Variants in RARS2 observed in about 807,000 individuals in gnomAD.
RARS2 encodes probable arginine--tRNA ligase, mitochondrial.
In RARS2, 67 loss-of-function variants were observed where a neutral mutation model predicts 88.5. That is an observed-to-expected ratio of 0.76 (90% confidence interval 0.62 to 0.93). The LOEUF is 0.93. RARS2 is among the 40% of genes least tolerant of loss of function. RARS2 has a pLI of 0.00. For missense variants in RARS2, 664 were observed against 684.2 expected, an observed-to-expected ratio of 0.97 and a Z score of 0.33; for synonymous variants, 239 against 230.3, an observed-to-expected ratio of 1.04 and a Z score of -0.34.
intron 1 of RARS2, among the ~76,000 whole-genome samples, chr6:87,574,417 G>C (rs1007335454): frequency 2.0e-5 from 3 of 152,224 alleles, no homozygotes; most frequent in Non-Finnish European, 4.4e-5. Context: ...CCACAAAGGT[G>C]AGGTAAGCCA....
At position 87,518,883 on chromosome 6, in the gene RARS2, CT is replaced by C; in HGVS notation, c.1245del (p.Glu416AsnfsTer67). ...LQNMASIKTT[K>X]ELKNPQETAE... ...GCAGTCTCTTGTGGGTTCTTGAGTT[CT>C]TTAGTTGCTGAAACAGACAAAGGCA... On this transcript the variant is annotated frameshift_variant, in exon 15 of 20. Coordinates refer to ENST00000369536, the MANE Select transcript of RARS2 (RefSeq NM_020320.5). LOFTEE classifies it high-confidence loss of function. The C allele has an allele frequency of 6.2e-7, 1 of 1,613,910 alleles. No individual in the cohort carries two copies.
intron 8 of RARS2, among the ~76,000 whole-genome samples, chr6:87,534,843 G>A (rs1270939721): frequency 6.6e-6 from 1 of 152,206 alleles, no homozygotes; most frequent in Non-Finnish European, 1.5e-5. Flanking sequence ...TCTACATAGC[G>A]ATCTTGTCTC....
At chr6:87,545,435 G>C (rs949639286) in intron 7 of RARS2, among the ~76,000 whole-genome samples, 181 bp downstream of exon 7, 2 of 151,136 alleles carry the variant, frequency 1.3e-5, no homozygotes, top group Non-Finnish European at 2.9e-5. Flanking sequence ...AACTTGTGTG[G>C]TGAGAATTAC....
At chr6:87,526,759 C>T (rs1775866552) in intron 10 of RARS2, among the ~76,000 whole-genome samples, 3 of 151,096 alleles carry the variant, frequency 2.0e-5, no homozygotes, top group Admixed American at 2.0e-4. Context: ...CAACCTCTGC[C>T]TCCCGGGTTC....
At chr6:87,542,021 A>G in intron 7 of RARS2, 27 bp from the exon 8 acceptor site, 1 of 1,575,066 alleles carries the variant, frequency 6.3e-7, no homozygotes, top group Non-Finnish European at 8.7e-7. Flanking sequence ...TAAATGAAAA[A>G]TTATAAAGTT....
intron 16 of RARS2, 129 bp downstream of exon 16, chr6:87,518,499 GTC>G: frequency 1.3e-5 from 16 of 1,257,924 alleles, no homozygotes; most frequent in Non-Finnish European, 1.5e-5. Context: ...CTAAAAGAAG[GTC>G]TACTCTAGTC....
Position 87,521,631 on chromosome 6 carries a change from T to C in RARS2, c.975-107A>G, listed in dbSNP as rs1212700651. 5 of 813,556 alleles carry C rather than the reference T, an allele frequency of 6.1e-6. No homozygotes were observed. The Admixed American group carries it at 7.7e-5, about 13-fold the overall frequency. The allele number at this position is 813,556 out of a possible 1,614,324, so 50.4% of individuals were successfully genotyped here. A position where few individuals can be genotyped will look rare whatever the true frequency, so the allele number is the denominator to read the frequency against. On this transcript the variant is annotated intron_variant, in intron 11 of 19. Coordinates refer to ENST00000369536, the MANE Select transcript of RARS2 (RefSeq NM_020320.5). ...ATTTTCTAATTAAGAATTTAAATTA[T>C]ACCACAGCCTGAGGAATTCCACCCA...
At chr6:87,568,647 G>GA (rs1768686845) in intron 2 of RARS2, among the ~76,000 whole-genome samples, 2 of 152,172 alleles carry the variant, frequency 1.3e-5, no homozygotes, top group African/African-American at 4.8e-5. Flanking sequence ...CTCTCTTACA[G>GA]AAAGTCAATA....
intron 1 of RARS2, among the ~76,000 whole-genome samples, chr6:87,580,581 A>C (rs1378074922): frequency 2.2e-5 from 3 of 137,764 alleles, no homozygotes; most frequent in Non-Finnish European, 4.6e-5. Flanking sequence ...TTGAGAGTGA[A>C]ACCCTGTCTC....
chr6:87,548,445 C>T, intron 6 of RARS2, 146 bp downstream of exon 6: 2 of 727,788 alleles, frequency 2.7e-6, no homozygotes, highest in South Asian at 1.8e-5. Flanking sequence ...CAATGTCATC[C>T]ATTTCCTGAA....
intron 6 of RARS2, among the ~76,000 whole-genome samples, chr6:87,547,753 C>T (rs1348605430): frequency 6.6e-6 from 1 of 151,920 alleles, no homozygotes; most frequent in Non-Finnish European, 1.5e-5. Context: ...GATTCTCCCA[C>T]CTCAGCCTCC....
At chr6:87,564,622 T>C (rs1164729057) in intron 2 of RARS2, 2 of 354,376 alleles carry the variant, frequency 5.6e-6, no homozygotes, top group African/African-American at 2.2e-5. Flanking sequence ...CGAGTCAAGA[T>C]TGTGCCACTG....
intron 1 of RARS2, among the ~76,000 whole-genome samples, chr6:87,575,454 C>T (rs574089014): frequency 1.2e-4 from 18 of 152,178 alleles, no homozygotes; most frequent in South Asian, 2.1e-4. Flanking sequence ...CATGGTACCT[C>T]GTAAAATACA....
chr6:87,581,126 T>C (rs1323288516), intron 1 of RARS2, among the ~76,000 whole-genome samples: 4 of 152,134 alleles, frequency 2.6e-5, no homozygotes, highest in Non-Finnish European at 4.4e-5. Context: ...CAAAAAATAT[T>C]CTCAGTCTGG....
intron 8 of RARS2, among the ~76,000 whole-genome samples, chr6:87,533,424 A>T (rs761188850): frequency 3.3e-5 from 5 of 152,320 alleles, no homozygotes; most frequent in Middle Eastern, 3.4e-3. Context: ...AAAACTAAAC[A>T]GTTACCATGT....
At chr6:87,578,378 A>T (rs577482921) in intron 1 of RARS2, among the ~76,000 whole-genome samples, 1 of 152,278 alleles carries the variant, frequency 6.6e-6, no homozygotes, top group African/African-American at 2.4e-5. Flanking sequence ...TAAAAATAAA[A>T]GTCAGTGTTG....
At chr6:87,517,252 T>C (rs912400369) in intron 17 of RARS2, among the ~76,000 whole-genome samples, 8 of 152,222 alleles carry the variant, frequency 5.3e-5, no homozygotes, top group African/African-American at 9.6e-5. Flanking sequence ...TACTCTAGCC[T>C]GGGCAACAGA....
Position 87,589,920 on chromosome 6 carries a change from A to G in RARS2, c.36+2T>C. ...CTCCTCTGCGCGCTCCGGGATCCAT[A>G]CCTGGCAAGCAATAGCGCGGCGAAA... On this transcript the variant is annotated splice_donor_variant, in intron 1 of 19. Coordinates refer to ENST00000369536, the MANE Select transcript of RARS2 (RefSeq NM_020320.5). LOFTEE classifies it high-confidence loss of function. The G allele has an allele frequency of 6.2e-7, 1 of 1,613,578 alleles. No individual in the cohort carries two copies. The highest frequency in any genetic ancestry group is 1.1e-5 in the South Asian group (1 of 91,026).
intron 11 of RARS2, among the ~76,000 whole-genome samples, chr6:87,523,304 G>C (rs1426067571): frequency 1.3e-5 from 2 of 152,154 alleles, no homozygotes; most frequent in Admixed American, 1.3e-4. Context: ...TCATGGCCCA[G>C]AGAGTTAAAC....
Sources: allele counts gnomAD v4.1 joint callset (sites outside exome capture counted in the v4.1 genomes callset), GRCh38; gene constraint gnomAD v4.1.1; transcripts MANE v1.5; gene names NCBI Gene and HGNC (gene_info 2026-07-23, HGNC 2026-07-21).